Variants in MARS1 observed in about 807,000 individuals in gnomAD.
MARS1 encodes methionyl-tRNA synthetase 1.
A neutral mutation model predicts 119.5 loss-of-function variants in MARS1; 80 were observed. That is an observed-to-expected ratio of 0.67 (90% CI 0.56 to 0.81). The LOEUF (loss-of-function observed/expected upper bound fraction) is 0.81. Ranked by LOEUF, MARS1 falls within the 30% of genes least tolerant of loss-of-function variation. The pLI, the probability that MARS1 is intolerant of heterozygous loss-of-function variation, is 0.00. For synonymous variants in MARS1, 418 were observed against 433.4 expected (o/e 0.96, Z 0.44); for missense variants, 945 against 1,116.5 (o/e 0.85, Z 2.19).
At chr12:57,492,719 G>A (rs1477852841) in intron 7 of MARS1, among the ~76,000 whole-genome samples, 3 of 135,822 alleles carry the variant, frequency 2.2e-5, no homozygotes, top group South Asian at 2.3e-4. Flanking sequence ...ACACACAGAC[G>A]TAAACAAATT....
chr12:57,495,306 T>A (rs553004971), intron 7 of MARS1, among the ~76,000 whole-genome samples: 1 of 147,660 alleles, frequency 6.8e-6, no homozygotes, highest in Non-Finnish European at 1.5e-5. Flanking sequence ...GCGGACACGC[T>A]CCTCACCTCC....
chr12:57,490,727 C>T lies in MARS1; in HGVS notation c.770+83C>T, dbSNP rs1162254046. 2.3e-5 allele frequency: 24 copies of T among 1,049,084 alleles called. No individual in the cohort carries two copies. In the East Asian group the frequency reaches 4.6e-4, roughly 20 times the overall value. 65.0% of individuals were successfully genotyped at this position (1,049,084 alleles called of 1,614,324 possible). ...GAGCCAGAACCTGCCTGCTAGGTCC[C>T]GTTTGCTGATCTCTCTTTAATTTTT... is the stretch of plus-strand genomic sequence containing the variant. On this transcript the variant is annotated intron_variant, in intron 7 of 20. Transcript: ENST00000262027.
At position 57,511,756 on chromosome 12, in the gene MARS1, C is replaced by A. The variant is rs752787612; in HGVS notation, c.1427C>A (p.Pro476His). The change falls in exon 12 of 21, where the codon CCC becomes CAC. Residue 476 changes from proline (P) to histidine (H), a missense_variant. Pro to His is a moderately conservative substitution (Grantham distance 77, BLOSUM62 -2). Coordinates refer to ENST00000262027, the MANE Select transcript of MARS1 (RefSeq NM_004990.4). ...ACATTGCCTGGCAGTGACTGGACACCCAATGCCCAGTTTATCACCCGTTCT... is the reference window on the plus strand; with the variant it reads ...ACATTGCCTGGCAGTGACTGGACACACAATGCCCAGTTTATCACCCGTTCT... ...GRTLPGSDWT[P>H]NAQFITRSWL... 2.5e-5 allele frequency: 41 copies of A among 1,614,062 alleles called. No individual in the cohort carries two copies. In the South Asian group the frequency reaches 3.7e-4, roughly 15 times the overall value.
At position 57,489,849 on chromosome 12, in the gene MARS1, C is replaced by T. The variant is rs77551014; in HGVS notation, c.415-47C>T. On this transcript the variant is annotated intron_variant, in intron 4 of 20. Transcript: ENST00000262027. ...GTTAGATATTACCATTGGGAAGAAACTGAGTGTCTCATTTGTGTACATTTT... is the reference window on the plus strand; with the variant it reads ...GTTAGATATTACCATTGGGAAGAAATTGAGTGTCTCATTTGTGTACATTTT... 1.9e-3 allele frequency: 2,889 copies of T among 1,525,796 alleles called. 10 individuals carry two copies. The Middle Eastern group carries it at 0.022, about 11-fold the overall frequency. 94.5% of individuals were successfully genotyped at this position (1,525,796 alleles called of 1,614,324 possible).
At chr12:57,503,478 C>G (rs533245880) in intron 10 of MARS1, among the ~76,000 whole-genome samples, 23 of 152,156 alleles carry the variant, frequency 1.5e-4, no homozygotes, top group African/African-American at 5.3e-4. Context: ...GGTGTTCCAC[C>G]TGCCTCAGCC....
intron 11 of MARS1, among the ~76,000 whole-genome samples, chr12:57,510,376 G>A (rs1877450231): frequency 6.6e-6 from 1 of 152,132 alleles, no homozygotes; most frequent in South Asian, 2.1e-4. Flanking sequence ...GGAGGCTGAG[G>A]CAGGAGAATC....
rs1309372163 is a variant in MARS1 at position 57,512,795 on chromosome 12, G to A, written c.1798G>A (p.Val600Met). 2 of 1,614,240 alleles carry A rather than the reference G, an allele frequency of 1.2e-6. No homozygotes were observed. The highest frequency in any genetic ancestry group is 2.2e-5 in the South Asian group (2 of 91,082). ...EDGKFSKSRG[V>M]GVFGDMAQDT... ...TGGGAAATTCTCTAAGAGCCGCGGT[G>A]TGGGAGTGTTTGGGGACATGGCCCA... Residue 600 changes from valine to methionine, a missense_variant, in exon 15 of 21, where the codon GTG becomes ATG. Val to Met is a conservative substitution (Grantham distance 21). Transcript: ENST00000262027.
intron 10 of MARS1, among the ~76,000 whole-genome samples, chr12:57,503,557 T>A (rs188465934): frequency 9.2e-4 from 139 of 151,820 alleles, no homozygotes; most frequent in Non-Finnish European, 1.5e-3. Context: ...TTCCTTTTTT[T>A]TTTTTTTGAG....
rs183920993 is a variant in MARS1 at position 57,496,089 on chromosome 12, G to C, written c.771-2068G>C. On this transcript the variant is annotated intron_variant, in intron 7 of 20. Coordinates refer to ENST00000262027, the MANE Select transcript of MARS1 (RefSeq NM_004990.4). ...TCACTATGTTGGCTAGGCTGGTCTT[G>C]AACTGACCTCATGATCCACTTGTCT... 6.6e-5 allele frequency among the ~76,000 whole-genome samples: 10 copies of C among 152,154 alleles called. No individual in the cohort carries two copies. The East Asian group carries it at 1.4e-3, about 21-fold the overall frequency.
rs1233144843 is a variant in MARS1, at chr12:57,509,128, T to G, written c.1369-2570T>G. On this transcript the variant is annotated intron_variant, in intron 11 of 20. Transcript: ENST00000262027. Reference sequence around the variant, plus strand: ...TCCTGTCCTAAATTTATTTTCATGTTCAAATTGTTACTTATTTCATCAGTA... The same window carrying G: ...TCCTGTCCTAAATTTATTTTCATGTGCAAATTGTTACTTATTTCATCAGTA... Among the ~76,000 whole-genome samples, 3 of 152,360 alleles carry G rather than the reference T, an allele frequency of 2.0e-5. No homozygotes were observed. The East Asian group carries it at 5.8e-4, about 29-fold the overall frequency.
chr12:57,488,078 G>C lies in MARS1; in HGVS notation c.-13G>C, dbSNP rs370028262. ...GCCGGTTCCGGTTGCATCAGCGAGG[G>C]ATTCACGGCGAAATGAGACTGTTCG... On this transcript the variant is annotated 5_prime_UTR_variant, in exon 1 of 21. Transcript: ENST00000262027. The C allele has an allele frequency of 3.1e-5, 50 of 1,611,666 alleles. No homozygotes were observed. Among genetic ancestry groups the C allele is most frequent in the Non-Finnish European group, 3.7e-5 (44 of 1,177,980 alleles).
chr12:57,516,180 T>C (rs1877812620), intron 19 of MARS1, 65 bp from the exon 20 acceptor site: 1 of 1,479,186 alleles, frequency 6.8e-7, no homozygotes, highest in African/African-American at 1.4e-5. Context: ...CCCTCTGAGA[T>C]GCTGTATAAA....
In MARS1 at chr12:57,515,420, T is replaced by C. The variant is rs1025154850; in HGVS notation, c.2391+84T>C. 166 of 1,352,422 alleles carry C rather than the reference T, an allele frequency of 1.2e-4. No individual in the cohort carries two copies. The African/African-American group carries it at 1.8e-3, about 14-fold the overall frequency. The allele number at this position is 1,352,422 out of a possible 1,614,324, so 83.8% of individuals were successfully genotyped here. ...TGGGTGAGAGAAGACCTAACATCTC[T>C]CCAGTGTTACTTTGGTCATGGGACT... On this transcript the variant is annotated intron_variant, in intron 18 of 20. Transcript: ENST00000262027.
intron 11 of MARS1, among the ~76,000 whole-genome samples, chr12:57,508,470 C>G (rs1629410): frequency 0.18 from 27,876 of 152,252 alleles, 2,846 homozygotes; most frequent in East Asian, 0.34. Context: ...ACCAGCCCGG[C>G]CAACACAGCG....
At position 57,511,687 on chromosome 12, in the gene MARS1, C is replaced by T. The variant is rs377436527; in HGVS notation, c.1369-11C>T. 899 of 1,613,954 alleles carry T rather than the reference C, an allele frequency of 5.6e-4. 7 individuals carry two copies. In the South Asian group the frequency reaches 9.1e-3, roughly 16 times the overall value. ...CTTTCCTAAATCAGCCCTCTTTCTCCGTTATCTCAGCTGGAGAAGCGACTG... is the reference window on the plus strand; with the variant it reads ...CTTTCCTAAATCAGCCCTCTTTCTCTGTTATCTCAGCTGGAGAAGCGACTG... On this transcript the variant is annotated splice_polypyrimidine_tract_variant and intron_variant, in intron 11 of 20. Coordinates refer to ENST00000262027, the MANE Select transcript of MARS1 (RefSeq NM_004990.4).
At chr12:57,489,166 AT>A in intron 2 of MARS1, 57 bp downstream of exon 2, 1 of 1,596,786 alleles carries the variant, frequency 6.3e-7, no homozygotes, top group African/African-American at 1.3e-5. Flanking sequence ...CCTCACTGTC[AT>A]TTGTGTGGCT....
intron 1 of MARS1, 130 bp downstream of exon 1, chr12:57,488,329 C>A: frequency 1.2e-6 from 1 of 844,994 alleles, no homozygotes; most frequent in Non-Finnish European, 1.9e-6. Flanking sequence ...TCCTATTATC[C>A]TTGATCACTC....
chr12:57,504,174 C>A, intron 10 of MARS1, 51 bp from the exon 11 acceptor site: 1 of 1,324,482 alleles, frequency 7.6e-7, no homozygotes, highest in Non-Finnish European at 1.1e-6. Context: ...TTGCCTGGAC[C>A]CCTCCCCTGG....
intron 11 of MARS1, among the ~76,000 whole-genome samples, chr12:57,505,521 A>T (rs980845634): frequency 2.0e-5 from 3 of 152,146 alleles, no homozygotes; most frequent in Non-Finnish European, 1.5e-5. Flanking sequence ...AGAAAAAAAA[A>T]AATAGGCTGG....
Sources: gnomAD v4.1 joint callset for allele counts (sites outside exome capture counted in the v4.1 genomes callset) on GRCh38, gnomAD v4.1.1 for gene constraint, MANE v1.5 for transcripts, NCBI Gene and HGNC (gene_info 2026-07-23, HGNC 2026-07-21) for gene names.